The following CD300LD variants were observed in gnomAD, a reference collection of about 807,000 sequenced individuals.
The protein encoded by CD300LD is CD300 molecule like family member d, also known as CMRF35-like molecule 5.
A neutral mutation model predicts 20.3 loss-of-function variants in CD300LD; 18 were observed. The observed-to-expected ratio is 0.89, with a 90% CI of 0.61 to 1.32. The LOEUF is 1.32. Among genes scored for constraint, CD300LD ranks in the 40% most tolerant of loss-of-function variants. The pLI is 0.00. For synonymous variants in CD300LD, 104 were observed against 90.1 expected, an observed-to-expected ratio of 1.15 and a Z score of -0.87; for missense variants, 195 against 226.6, an observed-to-expected ratio of 0.86 and a Z score of 0.90.
intron 3 of CD300LD, among the ~76,000 whole-genome samples, chr17:74,580,577 C>T (rs1222302030): frequency 6.6e-6 from 1 of 152,182 alleles, no homozygotes; most frequent in Non-Finnish European, 1.5e-5. Flanking sequence ...TCCTGTGGAC[C>T]AGCACCTGGC....
Position 74,580,062 on chromosome 17 carries a change from A to C in CD300LD, c.525T>G (p.Pro175=), listed in dbSNP as rs2029999629. The C allele has an allele frequency of 6.2e-7, 1 of 1,613,544 alleles. No homozygotes were observed. The highest frequency in any genetic ancestry group is 8.5e-7 in the Non-Finnish European group (1 of 1,179,728). Residue 175 remains proline, a synonymous_variant, in exon 4 of 4, where the codon CCT becomes CCG. Transcript: ENST00000375352. ...HFLFLFLLEL[P]LLLSMLGTVL... ...CGGTCCCCAGCATGCTCAGGAGCAGAGGCAGCTCCAGGAGGAACAGGAACA... is the reference window on the plus strand; with the variant it reads ...CGGTCCCCAGCATGCTCAGGAGCAGCGGCAGCTCCAGGAGGAACAGGAACA...
At chr17:74,590,934 C>T (rs1032568104) in intron 1 of CD300LD, among the ~76,000 whole-genome samples, 12 of 151,922 alleles carry the variant, frequency 7.9e-5, no homozygotes, top group African/African-American at 2.9e-4. Context: ...AGCTGGGTGT[C>T]GCACCACATG....
In CD300LD at chr17:74,588,845, G is replaced by A; in HGVS notation, c.45C>T (p.Tyr15=). ...GACCAGTGATTTTAGCGGCAATGGA[G>A]TAACCTGGAAAACGCAAATTCATGT... is the stretch of plus-strand genomic sequence containing the variant. ...PSLLLLILPG[Y]SIAAKITGPT... Residue 15 remains tyrosine, a synonymous_variant, in exon 2 of 4, where the codon TAC becomes TAT. Coordinates refer to ENST00000375352, the MANE Select transcript of CD300LD (RefSeq NM_001115152.2). The A allele has an allele frequency of 6.2e-7, 1 of 1,603,222 alleles. No individual in the cohort carries two copies. The highest frequency in any genetic ancestry group is 8.5e-7 in the Non-Finnish European group (1 of 1,171,372).
At chr17:74,588,424 G>T in intron 2 of CD300LD, 87 bp downstream of exon 2, 1 of 829,570 alleles carries the variant, frequency 1.2e-6, no homozygotes, top group Non-Finnish European at 2.0e-6. Context: ...GTCACTCTGA[G>T]TGACAGTTAA....
rs759119871 is a variant in CD300LD at position 74,583,505 on chromosome 17, C to T, written c.380-1194G>A. On this transcript the variant is annotated intron_variant, in intron 2 of 3. Transcript: ENST00000375352. ...CCAGCCTCCAGAACTATGAGAAATA[C>T]GTTTCTGTTGTTTACGCCACCCAGT... 6.6e-5 allele frequency among the ~76,000 whole-genome samples: 10 copies of T among 152,164 alleles called. No individual in the cohort carries two copies. In the South Asian group the frequency reaches 8.3e-4, roughly 13 times the overall value.
intron 1 of CD300LD, chr17:74,591,949 T>C: frequency 7.2e-7 from 1 of 1,385,242 alleles, no homozygotes; most frequent in Non-Finnish European, 9.8e-7. Flanking sequence ...CAAGAAGCTA[T>C]ACTTGTTTTG....
intron 1 of CD300LD, chr17:74,590,433 A>G (rs908922943): frequency 3.3e-5 from 5 of 151,986 alleles, no homozygotes; most frequent in Non-Finnish European, 7.4e-5. Context: ...ATGTTACTAT[A>G]TTATGTTTGT....
At chr17:74,580,599 T>C (rs958947093) in intron 3 of CD300LD, among the ~76,000 whole-genome samples, 6 of 152,188 alleles carry the variant, frequency 3.9e-5, no homozygotes, top group African/African-American at 1.4e-4. Flanking sequence ...CTGGGGTTCC[T>C]TATGTTCCCT....
chr17:74,579,112 T>C (rs759886697), downstream of CD300LD, among the ~76,000 whole-genome samples: 6 of 152,238 alleles, frequency 3.9e-5, no homozygotes, highest in Non-Finnish European at 8.8e-5. Flanking sequence ...TCTTCAATCG[T>C]ACTCATCCAG....
chr17:74,592,001 G>A lies in CD300LD; in HGVS notation c.40+162C>T, dbSNP rs1013355936. The A allele has an allele frequency of 3.2e-6, 5 of 1,551,224 alleles. No individual in the cohort carries two copies. The African/African-American group carries it at 5.5e-5, about 17-fold the overall frequency. The stretch of plus-strand genomic sequence containing the variant: ...TTCTGCAGCATCTAACACAGAACCT[G>A]TCAGATAACAAAAACTTGATTGCTA... On this transcript the variant is annotated intron_variant, in intron 1 of 3. Transcript: ENST00000375352.
chr17:74,586,636 C>G (rs1040343294), intron 2 of CD300LD, among the ~76,000 whole-genome samples: 4 of 152,154 alleles, frequency 2.6e-5, no homozygotes, highest in African/African-American at 9.7e-5. Context: ...CCAGGAACAC[C>G]TGGAAGCTCA....
Position 74,592,173 on chromosome 17 carries a change from G to A in CD300LD, c.30C>T (p.Leu10=), listed in dbSNP as rs1194005698. MWLSPSLLL[L]ILPGYSIAAK... ...TCCAGCCACACTCACCTGGGAGGAT[G>A]AGAAGCAGCAGAGATGGGGACAGCC... Residue 10 remains leucine, a synonymous_variant, in exon 1 of 4, where the codon CTC becomes CTT. Transcript: ENST00000375352. 2 of 1,614,072 alleles carry A rather than the reference G, an allele frequency of 1.2e-6. No homozygotes were observed. Among genetic ancestry groups the A allele is most frequent in the Non-Finnish European group, 1.7e-6 (2 of 1,180,048 alleles).
intron 3 of CD300LD, among the ~76,000 whole-genome samples, chr17:74,581,528 C>T (rs367824537): frequency 6.6e-6 from 1 of 152,204 alleles, no homozygotes; most frequent in Non-Finnish European, 1.5e-5. Flanking sequence ...CCTCCAGACC[C>T]CTCTGCCAGC....
chr17:74,579,606 C>T lies in CD300LD; in HGVS notation c.*396G>A, dbSNP rs895787966. On this transcript the variant is annotated 3_prime_UTR_variant, in exon 4 of 4. Coordinates refer to ENST00000375352, the MANE Select transcript of CD300LD (RefSeq NM_001115152.2). ...CCCCATAGAAATGTTGTTTTTCTGC[C>T]AGGTGCGGTGGCTCACACCTGTAAT... The T allele has an allele frequency of 6.1e-6, 1 of 163,932 alleles. No homozygotes were observed. The highest frequency in any genetic ancestry group is 1.3e-5 in the Non-Finnish European group (1 of 75,420). The allele number at this position is 163,932 out of a possible 1,614,324, so 10.2% of individuals were successfully genotyped here. A position where few individuals can be genotyped will look rare whatever the true frequency, so the allele number is the denominator to read the frequency against.
intron 3 of CD300LD, among the ~76,000 whole-genome samples, chr17:74,580,347 C>T (rs1358525965): frequency 6.6e-6 from 1 of 152,242 alleles, no homozygotes; most frequent in Non-Finnish European, 1.5e-5. Flanking sequence ...CTGCCAACTC[C>T]CATCCGGCCT....
chr17:74,587,263 T>C (rs1453869448), intron 2 of CD300LD, among the ~76,000 whole-genome samples: 1 of 152,244 alleles, frequency 6.6e-6, no homozygotes, highest in East Asian at 1.9e-4. Flanking sequence ...TTAAAAGATA[T>C]AGAGCTATTC....
At position 74,590,997 on chromosome 17, in the gene CD300LD, C is replaced by A. The variant is rs1452020031; in HGVS notation, c.40+1166G>T. ...GGCTGAGGTGGGAGGATGGCTTGAG[C>A]CTGGGAGGTCAAGGCTGCAGTGAAC... On this transcript the variant is annotated intron_variant, in intron 1 of 3. Transcript: ENST00000375352. Among the ~76,000 whole-genome samples, 4 of 152,084 alleles carry A rather than the reference C, an allele frequency of 2.6e-5. No homozygotes were observed. The South Asian group carries it at 6.2e-4, about 24-fold the overall frequency.
At chr17:74,592,056 T>C in intron 1 of CD300LD, 107 bp downstream of exon 1, 2 of 1,608,738 alleles carry the variant, frequency 1.2e-6, no homozygotes, top group Non-Finnish European at 8.5e-7. Flanking sequence ...GATGGATGAA[T>C]TGGCGCTGTC....
In CD300LD at chr17:74,580,038, G is replaced by A. The variant is rs371361755; in HGVS notation, c.549C>T (p.Thr183=). ...TTTGTGGTCTGTTTACCCAGAGGAC[G>A]GTCCCCAGCATGCTCAGGAGCAGAG... ...ELPLLLSMLG[T]VLWVNRPQRR... is the part of the protein sequence containing the mutation. Residue 183 remains threonine (T), a synonymous_variant, in exon 4 of 4, where the codon ACC becomes ACT. Transcript: ENST00000375352. The A allele has an allele frequency of 1.2e-5, 19 of 1,613,124 alleles. No homozygotes were observed. In the African/African-American group the frequency reaches 1.2e-4, roughly 10 times the overall value.
Sources: allele counts gnomAD v4.1 joint callset (sites outside exome capture counted in the v4.1 genomes callset), GRCh38; gene constraint gnomAD v4.1.1; transcripts MANE v1.5; gene names NCBI Gene and HGNC (gene_info 2026-07-23, HGNC 2026-07-21).